Variants in CAST observed in about 807,000 individuals in gnomAD.
CAST encodes MIR583 host.
Under a neutral mutation model 119.6 loss-of-function variants are expected in CAST, and 76 were observed. The ratio of observed to expected loss-of-function variants is 0.64; its 90% CI spans 0.53 to 0.77. The LOEUF (loss-of-function observed/expected upper bound fraction) is 0.77. CAST is among the 30% of genes least tolerant of loss of function. CAST has a pLI of 0.00. For synonymous variants in CAST, 319 were observed against 331.6 expected, an observed-to-expected ratio of 0.96 and a Z score of 0.41; for missense variants, 953 against 946.5, an observed-to-expected ratio of 1.01 and a Z score of -0.09.
At chr5:96,762,606 ATAT>A (rs533452057) in intron 25 of CAST, 28 of 422,066 alleles carry the variant, frequency 6.6e-5, no homozygotes, top group Non-Finnish European at 8.8e-5. Flanking sequence ...AAGGACCTTA[ATAT>A]TATTGTTGCT....
the CAST span, among the ~76,000 whole-genome samples, chr5:96,233,076 G>C: frequency 6.6e-6 from 1 of 152,004 alleles, no homozygotes; most frequent in African/African-American, 2.4e-5. Flanking sequence ...ATTACTATTT[G>C]ACAGTTAAAA....
At chr5:96,432,467 C>G in the CAST span, among the ~76,000 whole-genome samples, 2 of 152,180 alleles carry the variant, frequency 1.3e-5, no homozygotes, top group Non-Finnish European at 2.9e-5. Flanking sequence ...TGACGCAGAC[C>G]GCCTCAGTCC....
At chr5:96,556,874 C>T (rs1746251519) in intron 1 of CAST, among the ~76,000 whole-genome samples, 1 of 152,114 alleles carries the variant, frequency 6.6e-6, no homozygotes, top group African/African-American at 2.4e-5. Flanking sequence ...CAAAGATACT[C>T]CTCGAGAAGA....
chr5:96,171,181 T>A, the CAST span, among the ~76,000 whole-genome samples: 1 of 152,094 alleles, frequency 6.6e-6, no homozygotes, highest in African/African-American at 2.4e-5. Flanking sequence ...ACGACAAGAA[T>A]TATTTAGGTC....
chr5:96,070,005 A>G, the CAST span, among the ~76,000 whole-genome samples: 2 of 152,202 alleles, frequency 1.3e-5, no homozygotes, highest in Middle Eastern at 6.8e-3. Flanking sequence ...AAACCAGGGA[A>G]GTGTTGAGGT....
chr5:96,358,737 T>G, the CAST span, among the ~76,000 whole-genome samples: 5 of 151,970 alleles, frequency 3.3e-5, no homozygotes, highest in African/African-American at 1.2e-4. Flanking sequence ...GGCTGAGGAG[T>G]GTTTTACTTC....
intron 1 of CAST, among the ~76,000 whole-genome samples, chr5:96,642,438 A>T (rs1747961721): frequency 6.6e-6 from 1 of 152,208 alleles, no homozygotes; most frequent in Non-Finnish European, 1.5e-5. Flanking sequence ...ACTACTGAAC[A>T]GGGCCAGGAG....
intron 1 of CAST, among the ~76,000 whole-genome samples, chr5:96,636,938 A>T (rs1432524324): frequency 1.7e-5 from 2 of 120,428 alleles, no homozygotes; most frequent in South Asian, 5.4e-4. Context: ...GTGTTGGGGG[A>T]GGTGGAGGTG....
chr5:96,492,704 G>A, the CAST span, among the ~76,000 whole-genome samples: 1 of 152,114 alleles, frequency 6.6e-6, no homozygotes, highest in South Asian at 2.1e-4. Context: ...ATCACATAAT[G>A]AATGACCAAA....
intron 3 of CAST, chr5:96,702,897 G>T: frequency 1.0e-6 from 1 of 985,554 alleles, no homozygotes; most frequent in Non-Finnish European, 1.2e-6. Flanking sequence ...AGGACTGCGG[G>T]GTCCGGTGTC....
chr5:96,058,262 AGCC>A, the CAST span, among the ~76,000 whole-genome samples: 1 of 152,182 alleles, frequency 6.6e-6, no homozygotes, highest in Non-Finnish European at 1.5e-5. Context: ...TCCCAGGGAC[AGCC>A]TTCATACAAT....
intron 9 of CAST, among the ~76,000 whole-genome samples, chr5:96,733,151 TAAATGA>T (rs1479999634): frequency 6.6e-6 from 1 of 152,082 alleles, no homozygotes; most frequent in African/African-American, 2.4e-5. Flanking sequence ...CAAAAACTTT[TAAATGA>T]AAATATCAAA....
chr5:96,177,885 C>T, the CAST span, among the ~76,000 whole-genome samples: 1 of 152,172 alleles, frequency 6.6e-6, no homozygotes, highest in African/African-American at 2.4e-5. Context: ...TTCTTAACAA[C>T]TTTCAGAAAT....
chr5:96,141,966 T>A, the CAST span, among the ~76,000 whole-genome samples: 2 of 152,194 alleles, frequency 1.3e-5, no homozygotes, highest in African/African-American at 4.8e-5. Flanking sequence ...ATTTGAGGAG[T>A]TAAATGTTTG....
At chr5:96,771,293 G>A (rs576260624) in intron 30 of CAST, among the ~76,000 whole-genome samples, 2 of 152,262 alleles carry the variant, frequency 1.3e-5, no homozygotes, top group South Asian at 2.1e-4. Context: ...TTTATGATGA[G>A]TGGATTTACT....
At chr5:96,201,012 A>G in the CAST span, among the ~76,000 whole-genome samples, 1 of 152,166 alleles carries the variant, frequency 6.6e-6, no homozygotes, top group Non-Finnish European at 1.5e-5. Flanking sequence ...ATAAAAGAGC[A>G]TTGAAAAGGA....
At chr5:96,173,969 C>T in the CAST span, among the ~76,000 whole-genome samples, 1 of 152,104 alleles carries the variant, frequency 6.6e-6, no homozygotes, top group Non-Finnish European at 1.5e-5. Context: ...GTCTCGATCA[C>T]CTGACCGTGT....
At chr5:96,450,181 G>A in the CAST span, among the ~76,000 whole-genome samples, 2 of 152,092 alleles carry the variant, frequency 1.3e-5, no homozygotes, top group African/African-American at 4.8e-5. Flanking sequence ...ATGACGACTG[G>A]ATTTTAAAAA....
upstream of CAST, chr5:96,662,361 C>T: frequency 1.4e-6 from 2 of 1,389,048 alleles, no homozygotes; most frequent in Non-Finnish European, 1.9e-6. Flanking sequence ...GGACTCCCCG[C>T]CAGGCCTCCC....
Sources: allele counts gnomAD v4.1 joint callset (sites outside exome capture counted in the v4.1 genomes callset), GRCh38; gene constraint gnomAD v4.1.1; transcripts MANE v1.5; gene names NCBI Gene and HGNC (gene_info 2026-07-23, HGNC 2026-07-21).